The following APCDD1L variants were observed in gnomAD, a reference collection of about 807,000 sequenced individuals.
APCDD1L encodes protein APCDD1-like.
A neutral mutation model predicts 24.2 loss-of-function variants in APCDD1L; 21 were observed. The ratio of observed to expected loss-of-function variants is 0.87; its 90% CI spans 0.61 to 1.25. The LOEUF (loss-of-function observed/expected upper bound fraction) is 1.25. Ranked by LOEUF, APCDD1L falls within the 50% of genes most tolerant of loss-of-function variation. APCDD1L has a pLI of 0.00. For missense variants in APCDD1L, 704 were observed against 711.7 expected (o/e 0.99, Z 0.12); for synonymous variants, 321 against 323.6 (o/e 0.99, Z 0.09).
intron 1 of APCDD1L, among the ~76,000 whole-genome samples, chr20:58,471,370 A>G (rs1480562206): frequency 6.6e-6 from 1 of 152,118 alleles, no homozygotes; most frequent in Non-Finnish European, 1.5e-5. Context: ...GAAAGAGCGC[A>G]TGGCCGCTGC....
At chr20:58,510,588 T>C (rs1183268388) in intron 1 of APCDD1L, among the ~76,000 whole-genome samples, 3 of 152,166 alleles carry the variant, frequency 2.0e-5, no homozygotes, top group East Asian at 1.9e-4. Flanking sequence ...CACTTCGGCC[T>C]CCCAAAGTGC....
rs1326054613 is a variant in APCDD1L, at chr20:58,470,643, G to A, written c.154C>T (p.Pro52Ser). The change falls in exon 2 of 4, where the codon CCT becomes TCT. Residue 52 changes from proline to serine, a missense_variant. Coordinates refer to ENST00000371149, the MANE Select transcript of APCDD1L (RefSeq NM_153360.3). ...PDRVPSTAIL[P>S]PRLNGPWIST... ...ATCCAAGGTCCATTAAGGCGTGGAG[G>A]CAGGATCGCAGTGCTGGGCACTCTA... The A allele has an allele frequency of 3.2e-6, 5 of 1,580,858 alleles. No individual in the cohort carries two copies. Among genetic ancestry groups the A allele is most frequent in the Non-Finnish European group, 4.3e-6 (5 of 1,163,178 alleles).
Position 58,494,187 on chromosome 20 carries a change from C to T in APCDD1L, c.49+20472G>A, listed in dbSNP as rs6513388. Among the ~76,000 whole-genome samples the T allele has an allele frequency of 0.017, 2,662 of 152,208 alleles. 79 individuals carry two copies. Among genetic ancestry groups the T allele is most frequent in the African/African-American group, 0.06 (2,492 of 41,522 alleles). ...GCTGGTCTTGCTGTCTCAGGGGCAG[C>T]AGAGGCAGAAGAAAATCTGGGGATA... On this transcript the variant is annotated intron_variant, in intron 1 of 3. Transcript: ENST00000371149. The surrounding 1 kb of genome is among the most constrained non-coding windows in gnomAD (Gnocchi z 4.8).
intron 1 of APCDD1L, among the ~76,000 whole-genome samples, chr20:58,486,266 T>A: frequency 6.6e-6 from 1 of 152,142 alleles, no homozygotes; most frequent in East Asian, 1.9e-4. Flanking sequence ...AATGACCAAG[T>A]AGATCTGGAA....
rs188985070 is a variant in APCDD1L at position 58,508,695 on chromosome 20, C to T, written c.49+5964G>A. Among the ~76,000 whole-genome samples the T allele has an allele frequency of 1.7e-3, 255 of 152,208 alleles. 1 individual carries two copies. Among genetic ancestry groups the T allele is most frequent in the African/African-American group, 5.9e-3 (245 of 41,528 alleles). ...GCTTACACTATGTTGGGTATATGAG[C>T]GATTACTGAGTACCTACTATGTGCC... On this transcript the variant is annotated intron_variant, in intron 1 of 3. Transcript: ENST00000371149. The surrounding 1 kb of genome is among the most constrained non-coding windows in gnomAD (Gnocchi z 4.0).
rs1330658476 is a variant in APCDD1L at position 58,461,966 on chromosome 20, T to G, written c.742-412A>C. 1 of 181,790 alleles carries G rather than the reference T, an allele frequency of 5.5e-6. No individual in the cohort carries two copies. The highest frequency in any genetic ancestry group is 1.1e-5 in the Non-Finnish European group (1 of 88,470). The allele number at this position is 181,790 out of a possible 1,614,324, so 11.3% of individuals were successfully genotyped here. A position where few individuals can be genotyped will look rare whatever the true frequency, so the allele number is the denominator to read the frequency against. On this transcript the variant is annotated intron_variant, in intron 3 of 3. Coordinates refer to ENST00000371149, the MANE Select transcript of APCDD1L (RefSeq NM_153360.3). The surrounding 1 kb of genome is among the most constrained non-coding windows in gnomAD (Gnocchi z 6.0). ...CTCTCCTCTCTCTACCCCTCACCCC[T>G]CATCAAACTGGAATGCATCGTGCCT...
intron 1 of APCDD1L, 150 bp downstream of exon 1, chr20:58,514,509 G>C: frequency 1.3e-6 from 1 of 791,658 alleles, no homozygotes; most frequent in Non-Finnish European, 1.7e-6. Flanking sequence ...GGCCAGGTGA[G>C]ACTGGAGAAA....
At position 58,475,204 on chromosome 20, in the gene APCDD1L, A is replaced by C. The variant is rs553187513; in HGVS notation, c.50-4457T>G. ...GCAGAGGGAGAAATATCAGCTTTTC[A>C]GGTACCTTTCTTCTGGGGGTAAAAA... On this transcript the variant is annotated intron_variant, in intron 1 of 3. Coordinates refer to ENST00000371149, the MANE Select transcript of APCDD1L (RefSeq NM_153360.3). Among the ~76,000 whole-genome samples, 3 of 152,344 alleles carry C rather than the reference A, an allele frequency of 2.0e-5. No individual in the cohort carries two copies. In the East Asian group the frequency reaches 5.8e-4, roughly 29 times the overall value.
At chr20:58,477,851 C>G (rs966404642) in intron 1 of APCDD1L, among the ~76,000 whole-genome samples, 10 of 152,164 alleles carry the variant, frequency 6.6e-5, no homozygotes, top group Admixed American at 3.3e-4. Context: ...AACTCCTGAG[C>G]TCAAGAGATC....
rs1199754153 is a variant in APCDD1L, at chr20:58,461,915, T to A, written c.742-361A>T. The stretch of plus-strand genomic sequence containing the variant: ...TCAGGGCTGTCACACCACCCTCTTT[T>A]ATCTTCCTCATTCCACCCCCTGAGA... On this transcript the variant is annotated intron_variant, in intron 3 of 3. Transcript: ENST00000371149. The surrounding 1 kb of genome is among the most constrained non-coding windows in gnomAD (Gnocchi z 6.0). The A allele has an allele frequency of 4.3e-6, 1 of 232,776 alleles. No homozygotes were observed. The highest frequency in any genetic ancestry group is 2.3e-5 in the African/African-American group (1 of 44,402). The allele number at this position is 232,776 out of a possible 1,614,324, so 14.4% of individuals were successfully genotyped here. A position where few individuals can be genotyped will look rare whatever the true frequency, so the allele number is the denominator to read the frequency against.
At chr20:58,469,947 G>A (rs1989780622) in intron 2 of APCDD1L, among the ~76,000 whole-genome samples, 1 of 152,228 alleles carries the variant, frequency 6.6e-6, no homozygotes, top group Non-Finnish European at 1.5e-5. Context: ...CTGCTGTAGG[G>A]TTTGTGCACC....
chr20:58,482,543 C>T lies in APCDD1L; in HGVS notation c.50-11796G>A, dbSNP rs79628102. On this transcript the variant is annotated intron_variant, in intron 1 of 3. Transcript: ENST00000371149. ...AGCTGGGTTCTTACCCTCGGAAGAG[C>T]GCACGTAGCTCAGGAAGGGGACAAA... Among the ~76,000 whole-genome samples the T allele has an allele frequency of 3.4e-3, 515 of 152,304 alleles. 2 individuals carry two copies. The highest frequency in any genetic ancestry group is 0.012 in the African/African-American group (491 of 41,544).
chr20:58,505,145 A>T (rs903102161), intron 1 of APCDD1L, among the ~76,000 whole-genome samples: 12 of 151,918 alleles, frequency 7.9e-5, no homozygotes, highest in Non-Finnish European at 1.6e-4. Flanking sequence ...TTTTTTATTT[A>T]AAAAAAGGAT....
Position 58,461,170 on chromosome 20 carries a change from G to T in APCDD1L, c.1126C>A (p.Pro376Thr). 6.2e-7 allele frequency: 1 copy of T among 1,613,182 alleles called. No individual in the cohort carries two copies. The highest frequency in any genetic ancestry group is 8.5e-7 in the Non-Finnish European group (1 of 1,179,566). ...GCCCCCGCACCCCCACAGCTGCTTG[G>T]CTCAGAGAAGTTGAGCATGGCCGTG... Reference protein sequence around the residue: ...VTTAMLNFSEPSSCGGAGAWS... With the variant: ...VTTAMLNFSETSSCGGAGAWS... The change falls in exon 4 of 4, where the codon CCA (proline) becomes ACA (threonine). Residue 376 changes from proline (P) to threonine (T), a missense_variant. Transcript: ENST00000371149. This position sits in a 1 kb window ranked among gnomAD's most constrained non-coding sequence, Gnocchi z 6.0.
chr20:58,490,487 A>G (rs1990204825), intron 1 of APCDD1L, among the ~76,000 whole-genome samples: 1 of 152,218 alleles, frequency 6.6e-6, no homozygotes, highest in Non-Finnish European at 1.5e-5. Context: ...ACTTAACGAC[A>G]CATGGAAGTG....
At chr20:58,477,679 C>T (rs1989936061) in intron 1 of APCDD1L, among the ~76,000 whole-genome samples, 1 of 152,224 alleles carries the variant, frequency 6.6e-6, no homozygotes, top group African/African-American at 2.4e-5. Context: ...ATTATACATT[C>T]CCTCACTAAT....
intron 1 of APCDD1L, among the ~76,000 whole-genome samples, chr20:58,510,585 G>A (rs1471363718): frequency 6.6e-6 from 1 of 152,152 alleles, no homozygotes; most frequent in African/African-American, 2.4e-5. Context: ...GCCCACTTCG[G>A]CCTCCCAAAG....
intron 1 of APCDD1L, among the ~76,000 whole-genome samples, chr20:58,500,941 A>G (rs1006465036): frequency 6.6e-6 from 1 of 152,164 alleles, no homozygotes; most frequent in African/African-American, 2.4e-5. Flanking sequence ...GAAGCCATCA[A>G]TCCTGGCCAC....
rs10601961 is a variant in APCDD1L, at chr20:58,494,302, TTC to T, written c.49+20355_49+20356del. ...TTTCTTTTCTTACTTTTCTTTTCTCTTCTCTCTTCTCTTCTCTTCTTTTCCTT... is the reference window on the plus strand; with the variant it reads ...TTTCTTTTCTTACTTTTCTTTTCTCTTCTCTTCTCTTCTCTTCTTTTCCTT... On this transcript the variant is annotated intron_variant, in intron 1 of 3. Transcript: ENST00000371149. This position sits in a 1 kb window ranked among gnomAD's most constrained non-coding sequence, Gnocchi z 4.8. Among the ~76,000 whole-genome samples the T allele has an allele frequency of 0.3, 45,293 of 151,420 alleles. 9,670 individuals are homozygous for T. Among genetic ancestry groups the T allele is most frequent in the African/African-American group, 0.61 (25,032 of 41,074 alleles).
Sources: gnomAD v4.1 joint callset for allele counts (sites outside exome capture counted in the v4.1 genomes callset) on GRCh38, gnomAD v4.1.1 for gene constraint, Gnocchi (gnomAD v3.1) non-coding constraint, MANE v1.5 for transcripts, NCBI Gene and HGNC (gene_info 2026-07-23, HGNC 2026-07-21) for gene names.